Variants in SNRPA1 observed in about 807,000 individuals in gnomAD.
SNRPA1 encodes the protein small nuclear ribonucleoprotein polypeptide A'.
In SNRPA1, 5 loss-of-function variants were observed where a neutral mutation model predicts 32.3. The observed-to-expected ratio is 0.15, with a 90% confidence interval of 0.08 to 0.33. The LOEUF (loss-of-function observed/expected upper bound fraction) is 0.33. SNRPA1 is among the 10% of genes least tolerant of loss of function. The probability of loss-of-function intolerance (pLI) is 1.00; values close to 1 mark genes in which losing one functional copy is unlikely to be tolerated. For missense variants in SNRPA1, 198 were observed against 311.1 expected (o/e 0.64, Z 2.74); for synonymous variants, 111 against 120.1 (o/e 0.92, Z 0.50).
At chr15:101,287,148 T>C (rs2039464519) in intron 4 of SNRPA1, 138 bp from the exon 5 acceptor site, 2 of 519,742 alleles carry the variant, frequency 3.8e-6, no homozygotes, top group Non-Finnish European at 6.9e-6. Flanking sequence ...CAATTTAACA[T>C]TAAGGAAATA....
chr15:101,293,793 A>G (rs1021292815), intron 1 of SNRPA1, among the ~76,000 whole-genome samples: 1 of 152,262 alleles, frequency 6.6e-6, no homozygotes, highest in Non-Finnish European at 1.5e-5. Context: ...AAGAAAAGAA[A>G]TATTCCGAAG....
intron 8 of SNRPA1, among the ~76,000 whole-genome samples, chr15:101,284,010 CA>C (rs1252749616): frequency 6.6e-6 from 1 of 152,244 alleles, no homozygotes; most frequent in Non-Finnish European, 1.5e-5. Context: ...GAAACTTCCC[CA>C]AGACGGCAGT....
chr15:101,288,613 A>C (rs1296412661), intron 3 of SNRPA1, among the ~76,000 whole-genome samples: 2 of 152,208 alleles, frequency 1.3e-5, no homozygotes, highest in Non-Finnish European at 2.9e-5. Flanking sequence ...GATAGCAAAA[A>C]AACAAAAACC....
chr15:101,281,982 A>G (rs2039400576), intron 8 of SNRPA1, among the ~76,000 whole-genome samples, 200 bp from the exon 9 acceptor site: 1 of 152,270 alleles, frequency 6.6e-6, no homozygotes, highest in Non-Finnish European at 1.5e-5. Flanking sequence ...GGGATGCTCA[A>G]TTTCAAAGGA....
rs536914746 is a variant in SNRPA1 at position 101,281,781 on chromosome 15, C to T, written c.711G>A (p.Gly237=). Residue 237 remains glycine, a splice_region_variant and synonymous_variant, in exon 9 of 9, where the codon GGG becomes GGA. Transcript: ENST00000254193. The part of the protein sequence containing the change: ...GQIPGRERRS[G]PTDDGEEEME... ...TCTCTTCTTCACCATCATCAGTGGG[C>T]CCTAAAGAAAACCACCAAAGCAAAA... 6.2e-5 allele frequency: 100 copies of T among 1,613,956 alleles called. 1 individual carries two copies. In the South Asian group the frequency reaches 1.0e-3, roughly 17 times the overall value.
At chr15:101,283,371 T>C (rs543204702) in intron 8 of SNRPA1, among the ~76,000 whole-genome samples, 1 of 149,152 alleles carries the variant, frequency 6.7e-6, no homozygotes, top group Non-Finnish European at 1.5e-5. Context: ...ACATGTGTTT[T>C]TAGTAGAAAC....
At chr15:101,285,913 T>TA (rs1353305383) in intron 6 of SNRPA1, 112 bp from the exon 7 acceptor site, 2 of 768,040 alleles carry the variant, frequency 2.6e-6, no homozygotes, top group African/African-American at 3.5e-5. Context: ...TTATCTTTGT[T>TA]AACAAACTGA....
Position 101,293,158 on chromosome 15 carries a change from C to G in SNRPA1, c.97G>C (p.Val33Leu). 11 of 1,607,082 alleles carry G rather than the reference C, an allele frequency of 6.8e-6. No individual in the cohort carries two copies. The highest frequency in any genetic ancestry group is 9.4e-6 in the Non-Finnish European group (11 of 1,176,062). Residue 33 changes from valine to leucine, a missense_variant, in exon 2 of 9, where the codon GTC becomes CTC. Val to Leu is a conservative substitution (Grantham distance 32, BLOSUM62 1). Coordinates refer to ENST00000254193, the MANE Select transcript of SNRPA1 (RefSeq NM_003090.4). ...ELDLRGYKIPVIENLGATLDQ... is the reference protein window; with the variant it reads ...ELDLRGYKIPLIENLGATLDQ... ...AACGTAGCACCTAGATTTTCAATGA[C>G]GGGAATTTTATACCCTATAAAATGG...
chr15:101,291,099 T>C (rs1229468366), intron 3 of SNRPA1, among the ~76,000 whole-genome samples: 1 of 152,044 alleles, frequency 6.6e-6, no homozygotes, highest in Non-Finnish European at 1.5e-5. Context: ...CAGGCTGGTC[T>C]AGAACTCCTG....
intron 6 of SNRPA1, 154 bp from the exon 7 acceptor site, chr15:101,285,955 C>T: frequency 1.5e-6 from 1 of 645,506 alleles, no homozygotes; most frequent in Non-Finnish European, 2.7e-6. Flanking sequence ...AAACACCATC[C>T]AGTTCATCTT....
chr15:101,290,607 T>C (rs12899728), intron 3 of SNRPA1, among the ~76,000 whole-genome samples: 47,401 of 150,566 alleles, frequency 0.31, 7,610 homozygotes, highest in Admixed American at 0.37. Context: ...GGTCTTGCAC[T>C]ATTGCCCAGA....
intron 2 of SNRPA1, 66 bp downstream of exon 2, chr15:101,292,959 C>A: frequency 8.8e-7 from 1 of 1,138,014 alleles, no homozygotes; most frequent in Non-Finnish European, 1.2e-6. Flanking sequence ...CGTGCTACAA[C>A]TTCTTCAGGA....
rs775976844 is a variant in SNRPA1 at position 101,284,418 on chromosome 15, C to T, written c.709+549G>A. 4.6e-5 allele frequency among the ~76,000 whole-genome samples: 7 copies of T among 152,044 alleles called. No individual in the cohort carries two copies. In the East Asian group the frequency reaches 1.2e-3, roughly 25 times the overall value. On this transcript the variant is annotated intron_variant, in intron 8 of 8. Coordinates refer to ENST00000254193, the MANE Select transcript of SNRPA1 (RefSeq NM_003090.4). Reference sequence around the variant, plus strand: ...AGTCCACATGGCTATCGCTAGTGTTCGGTGCACTCCATGGCTGAAGTAATT... The same window carrying T: ...AGTCCACATGGCTATCGCTAGTGTTTGGTGCACTCCATGGCTGAAGTAATT...
chr15:101,281,899 T>A lies in SNRPA1; in HGVS notation c.710-117A>T, dbSNP rs28687624. 8.0e-3 allele frequency: 7,593 copies of A among 950,850 alleles called. 362 individuals are homozygous for A. In the African/African-American group the frequency reaches 0.11, roughly 14 times the overall value. The allele number at this position is 950,850 out of a possible 1,614,324, so 58.9% of individuals were successfully genotyped here. On this transcript the variant is annotated intron_variant, in intron 8 of 8. Coordinates refer to ENST00000254193, the MANE Select transcript of SNRPA1 (RefSeq NM_003090.4). The stretch of plus-strand genomic sequence containing the variant: ...ACACACTGAAGTAGGTACAAAAAGA[T>A]CAAAAGCAGCACCTGCCTTTGAGGA...
chr15:101,293,210 A>G (rs773738924), intron 1 of SNRPA1, 38 bp from the exon 2 acceptor site: 5 of 1,432,610 alleles, frequency 3.5e-6, no homozygotes, highest in Non-Finnish European at 4.8e-6. Context: ...AGGTATTAAT[A>G]TAACTAAACA....
chr15:101,293,554 C>T (rs1257344078), intron 1 of SNRPA1, among the ~76,000 whole-genome samples: 1 of 152,156 alleles, frequency 6.6e-6, no homozygotes, highest in Non-Finnish European at 1.5e-5. Context: ...AGTCTCAGTG[C>T]CCAAACGGCG....
chr15:101,293,096 C>G lies in SNRPA1; in HGVS notation c.159G>C (p.Glu53Asp), dbSNP rs138420806. The G allele has an allele frequency of 1.3e-5, 21 of 1,612,028 alleles. No homozygotes were observed. In the African/African-American group the frequency reaches 1.3e-4, roughly 10 times the overall value. Residue 53 changes from glutamate (E) to aspartate (D), a missense_variant, in exon 2 of 9, where the codon GAG becomes GAC. Glu to Asp is a conservative substitution (Grantham distance 45, BLOSUM62 2). This residue lies in a region of SNRPA1 where 119 missense variants were observed against 171.6 expected (regional missense o/e 0.69). Transcript: ENST00000254193. ...AAGGAAAACCATCCAGTTTCCTGAT[C>G]TCATTGTCAGAAAAATCAATAGCAT... ...QFDAIDFSDN[E>D]IRKLDGFPLL...
intron 3 of SNRPA1, among the ~76,000 whole-genome samples, chr15:101,289,370 A>C (rs2039494048): frequency 6.6e-6 from 1 of 152,228 alleles, no homozygotes; most frequent in South Asian, 2.1e-4. Context: ...TTAATTTTAA[A>C]CTTTTATAAA....
chr15:101,286,746 T>C, intron 5 of SNRPA1, 162 bp downstream of exon 5: 1 of 561,272 alleles, frequency 1.8e-6, no homozygotes, highest in South Asian at 2.1e-5. Context: ...TATCATAAAC[T>C]CTGCTATTAG....
Sources: gnomAD v4.1 joint callset for allele counts (sites outside exome capture counted in the v4.1 genomes callset) on GRCh38, gnomAD v4.1.1 for gene constraint, gnomAD v4.1.1 regional missense constraint, MANE v1.5 for transcripts, NCBI Gene and HGNC (gene_info 2026-07-23, HGNC 2026-07-21) for gene names.